Variants in ITGA6 observed in about 807,000 individuals in gnomAD.
ITGA6 encodes integrin subunit alpha 6, also known as integrin alpha-6.
ITGA6 carries 63 observed loss-of-function variants against 133.6 expected under a neutral mutation model. The ratio of observed to expected loss-of-function variants is 0.47; its 90% confidence interval spans 0.38 to 0.58. ITGA6 has a LOEUF of 0.58. ITGA6 is among the 20% of genes least tolerant of loss of function. The probability of loss-of-function intolerance (pLI) is 0.00; values close to 1 mark genes in which losing one functional copy is unlikely to be tolerated. For synonymous variants in ITGA6, 434 were observed against 482.0 expected (o/e 0.90, Z 1.30); for missense variants, 1,068 against 1,309.4 (o/e 0.82, Z 2.85).
At chr2:172,474,780 C>T (rs1393336427) in intron 6 of ITGA6, 149 bp from the exon 7 acceptor site, 1 of 688,012 alleles carries the variant, frequency 1.5e-6, no homozygotes, top group African/African-American at 1.8e-5. Flanking sequence ...TATAGGCTAC[C>T]TTGGTTTTTA....
intron 13 of ITGA6, among the ~76,000 whole-genome samples, chr2:172,486,193 A>AAC (rs1471995272): frequency 6.0e-5 from 9 of 150,940 alleles, no homozygotes; most frequent in African/African-American, 2.2e-4. Flanking sequence ...AAAAAAAAAA[A>AAC]AAAACAACTA....
intron 4 of ITGA6, among the ~76,000 whole-genome samples, chr2:172,470,228 C>T (rs1685862267): frequency 6.6e-6 from 1 of 152,168 alleles, no homozygotes; most frequent in Admixed American, 6.5e-5. Context: ...TGTGTGCAAT[C>T]TTCAAGGGTA....
At chr2:172,497,169 TG>T (rs947302398) in intron 23 of ITGA6, among the ~76,000 whole-genome samples, 7 of 152,202 alleles carry the variant, frequency 4.6e-5, no homozygotes, top group Non-Finnish European at 1.0e-4. Context: ...TGGCTACTTT[TG>T]CCTAAACTGG....
At position 172,502,823 on chromosome 2, in the gene ITGA6, C is replaced by T. The variant is rs576244510; in HGVS notation, c.*22+922C>T. ...TGGGCATGAGAGGACAGAATTACTCCTGTAATCCTTTCCATGGCACTATCA... is the reference window on the plus strand; with the variant it reads ...TGGGCATGAGAGGACAGAATTACTCTTGTAATCCTTTCCATGGCACTATCA... On this transcript the variant is annotated intron_variant, in intron 25 of 25. Transcript: ENST00000684293. Among the ~76,000 whole-genome samples, 5 of 152,310 alleles carry T rather than the reference C, an allele frequency of 3.3e-5. 1 individual carries two copies. Among genetic ancestry groups the T allele is most frequent in the African/African-American group, 1.2e-4 (5 of 41,568 alleles).
chr2:172,445,032 C>A (rs2149007525), intron 1 of ITGA6, among the ~76,000 whole-genome samples: 1 of 152,140 alleles, frequency 6.6e-6, no homozygotes, highest in East Asian at 2.0e-4. Context: ...GTGGCGGGCT[C>A]TTGGCTTACT....
At chr2:172,480,795 A>AT (rs1190928498) in intron 11 of ITGA6, 1 of 152,404 alleles carries the variant, frequency 6.6e-6, no homozygotes, top group South Asian at 2.1e-4. Flanking sequence ...TCAAAGTAAG[A>AT]TTTTTTTAAA....
intron 1 of ITGA6, among the ~76,000 whole-genome samples, chr2:172,430,906 G>A (rs577430847): frequency 8.1e-4 from 123 of 152,300 alleles, no homozygotes; most frequent in African/African-American, 2.8e-3. Flanking sequence ...ATGTGATGAT[G>A]ACTGTGGGTA....
At chr2:172,441,955 C>G (rs1684561761) in intron 1 of ITGA6, among the ~76,000 whole-genome samples, 1 of 152,154 alleles carries the variant, frequency 6.6e-6, no homozygotes, top group East Asian at 1.9e-4. Context: ...AAAATGCCAC[C>G]AGAAGCTTAA....
intron 1 of ITGA6, among the ~76,000 whole-genome samples, chr2:172,434,631 GA>G: frequency 6.6e-6 from 1 of 152,122 alleles, no homozygotes; most frequent in Middle Eastern, 3.2e-3. Context: ...AGACTGTTCT[GA>G]ATTAGGGGGA....
At chr2:172,479,499 A>C in intron 9 of ITGA6, 142 bp from the exon 10 acceptor site, 1 of 756,920 alleles carries the variant, frequency 1.3e-6, no homozygotes, top group South Asian at 1.4e-5. Flanking sequence ...TTTCTTCAGC[A>C]ATGGGGGAAA....
chr2:172,469,009 A>G, intron 3 of ITGA6, 116 bp from the exon 4 acceptor site: 1 of 1,124,148 alleles, frequency 8.9e-7, no homozygotes, highest in Non-Finnish European at 1.3e-6. Flanking sequence ...AGATGAGGAC[A>G]TGCTTAATCA....
intron 1 of ITGA6, among the ~76,000 whole-genome samples, chr2:172,432,464 T>C (rs2148991939): frequency 6.6e-6 from 1 of 152,372 alleles, no homozygotes; most frequent in Middle Eastern, 3.4e-3. Flanking sequence ...CAATAGAGAC[T>C]GATATTATAC....
intron 11 of ITGA6, among the ~76,000 whole-genome samples, chr2:172,482,865 C>CGT (rs111978429): frequency 0.19 from 29,258 of 151,928 alleles, 3,741 homozygotes; most frequent in African/African-American, 0.36. Context: ...AATGTCACAT[C>CGT]GTGTGTGTGC....
intron 11 of ITGA6, 27 bp from the exon 12 acceptor site, chr2:172,484,755 C>G (rs745802603): frequency 1.9e-6 from 3 of 1,602,982 alleles, no homozygotes; most frequent in East Asian, 2.2e-5. Context: ...AATGCACTTA[C>G]GTTAATATGA....
At chr2:172,472,905 C>T (rs370671871) in intron 5 of ITGA6, 65 of 1,457,598 alleles carry the variant, frequency 4.5e-5, no homozygotes, top group Non-Finnish European at 5.2e-5. Context: ...GTGACCTCTG[C>T]GACGACAAAT....
intron 1 of ITGA6, among the ~76,000 whole-genome samples, chr2:172,450,862 A>AATATACAAATATATTTATATATTT (rs1553529352): frequency 1.1e-4 from 16 of 139,650 alleles, no homozygotes; most frequent in South Asian, 2.1e-4. Context: ...GTATTTATAT[A>AATATACAAATATATTTATATATTT]ATATACAAAT....
intron 1 of ITGA6, among the ~76,000 whole-genome samples, chr2:172,445,213 G>A (rs1041964508): frequency 8.7e-4 from 132 of 151,796 alleles, no homozygotes; most frequent in Non-Finnish European, 6.8e-4. Flanking sequence ...GCGACTGCCC[G>A]CCTCAGCCTC....
chr2:172,466,930 T>A (rs1559134422), intron 2 of ITGA6, among the ~76,000 whole-genome samples: 2 of 152,206 alleles, frequency 1.3e-5, no homozygotes, highest in Admixed American at 6.5e-5. Flanking sequence ...CCCGTCTCTC[T>A]GACTAACAGT....
rs188039981 is a variant in ITGA6, at chr2:172,480,145, A to G, written c.1549+94A>G. 224 of 758,498 alleles carry G rather than the reference A, an allele frequency of 3.0e-4. 1 individual carries two copies. In the African/African-American group the frequency reaches 3.2e-3, roughly 11 times the overall value. The allele number at this position is 758,498 out of a possible 1,614,324, so 47.0% of individuals were successfully genotyped here. A position where few individuals can be genotyped will look rare whatever the true frequency, so the allele number is the denominator to read the frequency against. ...CAGAAAAATAAAACTGCAGTGGCCA[A>G]CATGGGTCTGTCAATTCTGGTGTAA... On this transcript the variant is annotated intron_variant, in intron 11 of 25. Coordinates refer to ENST00000684293, the MANE Select transcript of ITGA6 (RefSeq NM_000210.4).
Sources: gnomAD v4.1 joint callset for allele counts (sites outside exome capture counted in the v4.1 genomes callset) on GRCh38, gnomAD v4.1.1 for gene constraint, MANE v1.5 for transcripts, NCBI Gene and HGNC (gene_info 2026-07-23, HGNC 2026-07-21) for gene names.